OPA1: variants seen among roughly 807,000 people sequenced by gnomAD.
The protein encoded by OPA1 is dynamin-like GTPase OPA1, mitochondrial.
In OPA1, 59 loss-of-function variants were observed where a neutral mutation model predicts 152.9. The observed-to-expected ratio is 0.39, with a 90% confidence interval of 0.31 to 0.48. The LOEUF (loss-of-function observed/expected upper bound fraction) is 0.48. OPA1 is among the 20% of genes least tolerant of loss of function. OPA1 has a pLI of 0.96. For missense variants in OPA1, 1,008 were observed against 1,216.8 expected (o/e 0.83, Z 2.55); for synonymous variants, 400 against 389.9 (o/e 1.03, Z -0.31).
At chr3:193,618,005 A>G (rs1363834406) in intron 5 of OPA1, among the ~76,000 whole-genome samples, 168 bp downstream of exon 5, 2 of 152,240 alleles carry the variant, frequency 1.3e-5, no homozygotes, top group Non-Finnish European at 2.9e-5. Flanking sequence ...AAATAATAAA[A>G]TAATTATTTT....
At chr3:193,608,398 T>A (rs1302380976) in intron 1 of OPA1, among the ~76,000 whole-genome samples, 1 of 152,214 alleles carries the variant, frequency 6.6e-6, no homozygotes, top group Non-Finnish European at 1.5e-5. Flanking sequence ...TTCTGGTATG[T>A]TGTGTCTTTG....
intron 29 of OPA1, chr3:193,668,369 G>A: frequency 6.4e-7 from 1 of 1,551,388 alleles, no homozygotes; most frequent in Non-Finnish European, 8.7e-7. Context: ...CCACCACATG[G>A]CGCCGCACCC....
At chr3:193,660,719 G>A (rs750656935) in intron 25 of OPA1, among the ~76,000 whole-genome samples, 5 of 150,270 alleles carry the variant, frequency 3.3e-5, no homozygotes, top group Non-Finnish European at 7.4e-5. Flanking sequence ...TTTTGGTAAT[G>A]ACTTTTGTGA....
At chr3:193,593,797 C>G (rs1041327317) in intron 1 of OPA1, among the ~76,000 whole-genome samples, 1 of 152,016 alleles carries the variant, frequency 6.6e-6, no homozygotes, top group Non-Finnish European at 1.5e-5. Flanking sequence ...TCACCTCTCT[C>G]CACATTTCTC....
chr3:193,621,381 C>T (rs1052184980), intron 6 of OPA1, among the ~76,000 whole-genome samples: 8 of 152,118 alleles, frequency 5.3e-5, no homozygotes, highest in South Asian at 2.1e-4. Context: ...CATGATGAAC[C>T]GATAACCTGT....
intron 29 of OPA1, among the ~76,000 whole-genome samples, chr3:193,677,103 C>T (rs1424440122): frequency 6.6e-6 from 1 of 151,332 alleles, no homozygotes; most frequent in East Asian, 1.9e-4. Context: ...ACTTTACTAG[C>T]AAGTATATTC....
At chr3:193,641,244 C>G (rs1176386679) in intron 11 of OPA1, among the ~76,000 whole-genome samples, 4 of 152,142 alleles carry the variant, frequency 2.6e-5, no homozygotes, top group Non-Finnish European at 5.9e-5. Flanking sequence ...TTCCTTGAAA[C>G]AGATGAGGCT....
chr3:193,626,210 A>G lies in OPA1; in HGVS notation c.789+8A>G, dbSNP rs777476109. The G allele has an allele frequency of 1.2e-6, 2 of 1,604,674 alleles. No homozygotes were observed. The highest frequency in any genetic ancestry group is 1.7e-6 in the Non-Finnish European group (2 of 1,171,400). ...GCCCAACAGAAGCGCAAGGTGATGG[A>G]TGGTTTAAGGGGGCTACCGATACAT... On this transcript the variant is annotated splice_region_variant and intron_variant, in intron 7 of 30. Coordinates refer to ENST00000361510, the MANE Select transcript of OPA1 (RefSeq NM_130837.3).
chr3:193,653,665 T>G (rs1409704191), intron 21 of OPA1, among the ~76,000 whole-genome samples: 3 of 152,178 alleles, frequency 2.0e-5, no homozygotes, highest in Non-Finnish European at 4.4e-5. Flanking sequence ...ATTGAAAAAT[T>G]TTATCTACAG....
At chr3:193,647,946 T>C in intron 19 of OPA1, 124 bp from the exon 20 acceptor site, 1 of 725,304 alleles carries the variant, frequency 1.4e-6, no homozygotes, top group Admixed American at 2.0e-5. Context: ...CCCAGAGTAC[T>C]AAGGGGTCAT....
chr3:193,636,856 T>G (rs1188091645), intron 9 of OPA1, among the ~76,000 whole-genome samples: 1 of 39,426 alleles, frequency 2.5e-5, no homozygotes, highest in Non-Finnish European at 5.2e-5. Context: ...CTGACCACCT[T>G]TTTTTTGCCT....
In OPA1 at chr3:193,697,511, A is replaced by G. The variant is rs556510625; in HGVS notation, c.*2911A>G. 1.3e-5 allele frequency: 2 copies of G among 152,294 alleles called. No individual in the cohort carries two copies. The highest frequency in any genetic ancestry group is 1.9e-4 in the East Asian group (1 of 5,186). The allele number at this position is 152,294 out of a possible 1,614,324, so 9.4% of individuals were successfully genotyped here. Reference sequence around the variant, plus strand: ...GTCATTTGTGTAGATGAGTAATTAAAAAATATTTAAATCACATTATAATTC... The same window carrying G: ...GTCATTTGTGTAGATGAGTAATTAAGAAATATTTAAATCACATTATAATTC... On this transcript the variant is annotated 3_prime_UTR_variant, in exon 31 of 31. Transcript: ENST00000361510.
intron 29 of OPA1, among the ~76,000 whole-genome samples, chr3:193,685,379 ACCTCACAGAC>A (rs962074268): frequency 1.1e-4 from 16 of 151,878 alleles, no homozygotes; most frequent in African/African-American, 3.9e-4. Context: ...GTTGTAATTT[ACCTCACAGAC>A]TTTCTTAAGG....
intron 7 of OPA1, among the ~76,000 whole-genome samples, chr3:193,630,693 A>G (rs1731943210): frequency 2.6e-5 from 4 of 152,306 alleles, no homozygotes; most frequent in South Asian, 4.1e-4. Flanking sequence ...ATTTTCAGAA[A>G]TTAGACAATT....
At chr3:193,655,771 C>T (rs1713666187) in intron 22 of OPA1, among the ~76,000 whole-genome samples, 1 of 152,152 alleles carries the variant, frequency 6.6e-6, no homozygotes, top group Admixed American at 6.5e-5. Flanking sequence ...TGAATTGATC[C>T]ATCATGTACA....
chr3:193,620,176 T>A (rs1182942180), intron 6 of OPA1, among the ~76,000 whole-genome samples: 1 of 152,196 alleles, frequency 6.6e-6, no homozygotes, highest in Non-Finnish European at 1.5e-5. Flanking sequence ...AGAGCTAATC[T>A]AATGGGGAGA....
chr3:193,674,690 A>G (rs1718596195), intron 29 of OPA1, among the ~76,000 whole-genome samples: 1 of 152,244 alleles, frequency 6.6e-6, no homozygotes, highest in Middle Eastern at 3.2e-3. Flanking sequence ...AAAAGAAAAC[A>G]TCAAGGTACC....
rs1218083249 is a variant in OPA1 at position 193,644,155 on chromosome 3, G to C, written c.1608+50G>C. The C allele has an allele frequency of 6.3e-6, 10 of 1,599,122 alleles. No homozygotes were observed. In the African/African-American group the frequency reaches 1.2e-4, roughly 19 times the overall value. ...GAATAGATTCTTTGTAAAAGCTCCA[G>C]CTGTGATAGGGATTTGTTATTTAAA... On this transcript the variant is annotated intron_variant, in intron 16 of 30. Transcript: ENST00000361510.
chr3:193,619,165 C>T (rs991788967), intron 6 of OPA1, among the ~76,000 whole-genome samples: 1 of 152,142 alleles, frequency 6.6e-6, no homozygotes, highest in African/African-American at 2.4e-5. Flanking sequence ...GCATTAGTTT[C>T]GAGGGTTGTC....
Sources: gnomAD v4.1 joint callset for allele counts (sites outside exome capture counted in the v4.1 genomes callset) on GRCh38, gnomAD v4.1.1 for gene constraint, MANE v1.5 for transcripts, NCBI Gene and HGNC (gene_info 2026-07-23, HGNC 2026-07-21) for gene names.